SCAPER: variants seen among roughly 807,000 people sequenced by gnomAD.
SCAPER encodes S-phase cyclin A associated protein in the ER.
In SCAPER, 98 loss-of-function variants were observed where a neutral mutation model predicts 182.2. That is an observed-to-expected ratio of 0.54 (90% CI 0.46 to 0.64). SCAPER has a LOEUF of 0.64. Among genes scored for constraint, SCAPER ranks in the 30% least tolerant of loss-of-function variants. SCAPER has a pLI of 0.00. For missense variants in SCAPER, 1,432 were observed against 1,690.0 expected, an observed-to-expected ratio of 0.85 and a Z score of 2.68; for synonymous variants, 605 against 564.6, an observed-to-expected ratio of 1.07 and a Z score of -1.01.
chr15:76,401,437 A>G (rs1323573972), intron 27 of SCAPER, among the ~76,000 whole-genome samples: 1 of 152,184 alleles, frequency 6.6e-6, no homozygotes, highest in Non-Finnish European at 1.5e-5. Context: ...CAGTTGGATT[A>G]TGCAAGAGCT....
chr15:76,656,905 A>G (rs1368600247), intron 21 of SCAPER, among the ~76,000 whole-genome samples: 3 of 152,226 alleles, frequency 2.0e-5, no homozygotes, highest in Non-Finnish European at 4.4e-5. Context: ...AGCAGTGTTA[A>G]GCGGGAAGTT....
chr15:76,881,933 G>A (rs1248828091), intron 2 of SCAPER, among the ~76,000 whole-genome samples: 2 of 152,114 alleles, frequency 1.3e-5, no homozygotes, highest in Admixed American at 6.6e-5. Context: ...GGGAAGAAGA[G>A]GAAGAAGAGA....
At chr15:76,451,795 A>G (rs956565289) in intron 25 of SCAPER, among the ~76,000 whole-genome samples, 4 of 152,228 alleles carry the variant, frequency 2.6e-5, no homozygotes, top group African/African-American at 9.6e-5. Context: ...CATTTACTGG[A>G]AAAGACAGAA....
At chr15:76,608,195 G>A (rs1190961306) in intron 22 of SCAPER, among the ~76,000 whole-genome samples, 1 of 151,944 alleles carries the variant, frequency 6.6e-6, no homozygotes, top group African/African-American at 2.4e-5. Context: ...ATGGGTTTTT[G>A]GTGTGGATGT....
At chr15:76,786,480 T>C (rs563115685) in intron 8 of SCAPER, among the ~76,000 whole-genome samples, 1 of 152,240 alleles carries the variant, frequency 6.6e-6, no homozygotes, top group South Asian at 2.1e-4. Flanking sequence ...TCATAATAGA[T>C]GGTAACTTCC....
At position 76,702,914 on chromosome 15, in the gene SCAPER, G is replaced by A; in HGVS notation, c.2336C>T (p.Thr779Ile). Residue 779 changes from threonine to isoleucine, a missense_variant, in exon 19 of 32, where the codon ACT (threonine) becomes ATT (isoleucine). By Grantham distance (89) the Thr-to-Ile change is moderately conservative (BLOSUM62 -1). Transcript: ENST00000563290. The part of the protein sequence containing the change: ...AELSSGRHAN[T>I]DYAPKLTPYE... ...AGGGGTCAGTTTGGGGGCATAATCA[G>A]TATTTGCATGTCGCCCACTGCTTAG... 6.2e-7 allele frequency: 1 copy of A among 1,611,416 alleles called. No individual in the cohort carries two copies. The highest frequency in any genetic ancestry group is 1.7e-5 in the Admixed American group (1 of 59,532).
chr15:76,660,898 C>CA (rs549792573), intron 21 of SCAPER, among the ~76,000 whole-genome samples: 2,276 of 143,706 alleles, frequency 0.016, 20 homozygotes, highest in Non-Finnish European at 0.021. Context: ...GGTTAATACG[C>CA]AAAAAAAAAA....
intron 26 of SCAPER, among the ~76,000 whole-genome samples, chr15:76,421,715 G>A (rs2046057931): frequency 6.6e-6 from 1 of 152,150 alleles, no homozygotes; most frequent in African/African-American, 2.4e-5. Flanking sequence ...GTCCTGAATG[G>A]TATTGCCTAG....
chr15:76,546,008 G>A (rs755417135), intron 23 of SCAPER, among the ~76,000 whole-genome samples: 1 of 152,224 alleles, frequency 6.6e-6, no homozygotes, highest in South Asian at 2.1e-4. Flanking sequence ...ATCAGCCAGC[G>A]GAAAGTCCTA....
intron 7 of SCAPER, among the ~76,000 whole-genome samples, chr15:76,796,602 A>G (rs2065345513): frequency 6.6e-6 from 1 of 152,228 alleles, no homozygotes; most frequent in Admixed American, 6.5e-5. Context: ...TTCTACGATG[A>G]TAATGAAGAC....
At chr15:76,749,192 C>A (rs558870791) in intron 15 of SCAPER, among the ~76,000 whole-genome samples, 1 of 151,308 alleles carries the variant, frequency 6.6e-6, no homozygotes, top group Non-Finnish European at 1.5e-5. Flanking sequence ...CAGAAATGCA[C>A]GGTTGGTTTA....
chr15:76,502,413 T>C (rs2468131), intron 24 of SCAPER, among the ~76,000 whole-genome samples: 45,646 of 151,984 alleles, frequency 0.3, 7,994 homozygotes, highest in East Asian at 0.58. Flanking sequence ...TGAGTTCATG[T>C]CCTTTGTAGC....
chr15:76,521,788 T>C (rs2042857709), intron 23 of SCAPER, among the ~76,000 whole-genome samples: 1 of 152,168 alleles, frequency 6.6e-6, no homozygotes, highest in South Asian at 2.1e-4. Context: ...TAAATAAATG[T>C]ATTAAATTTG....
intron 20 of SCAPER, among the ~76,000 whole-genome samples, chr15:76,674,964 G>A (rs1017996822): frequency 3.3e-5 from 5 of 152,064 alleles, no homozygotes; most frequent in South Asian, 2.1e-4. Flanking sequence ...TGTTACTTTC[G>A]GAAGCAGAAA....
chr15:76,596,100 G>A lies in SCAPER; in HGVS notation c.2712-21816C>T, dbSNP rs1313837727. ...AAGAAAAGAGAGAAGAATCAAATAGGCACAATAAACAATGACAAAGAAAAG... is the reference window on the plus strand; with the variant it reads ...AAGAAAAGAGAGAAGAATCAAATAGACACAATAAACAATGACAAAGAAAAG... On this transcript the variant is annotated intron_variant, in intron 22 of 31. Coordinates refer to ENST00000563290, the MANE Select transcript of SCAPER (RefSeq NM_020843.4). Among the ~76,000 whole-genome samples the A allele has an allele frequency of 1.7e-5, 2 of 119,848 alleles. 1 individual carries two copies. Among genetic ancestry groups the A allele is most frequent in the Non-Finnish European group, 4.0e-5 (2 of 49,400 alleles). 78.6% of individuals were successfully genotyped at this position (119,848 alleles called of 152,430 possible).
At chr15:76,431,781 T>C (rs375839167) in intron 26 of SCAPER, among the ~76,000 whole-genome samples, 128 of 145,338 alleles carry the variant, frequency 8.8e-4, no homozygotes, top group African/African-American at 3.1e-3. Context: ...CAAATAACAA[T>C]GCATTATCTG....
At chr15:76,668,889 T>C (rs1250529568) in intron 20 of SCAPER, among the ~76,000 whole-genome samples, 1 of 152,198 alleles carries the variant, frequency 6.6e-6, no homozygotes, top group Non-Finnish European at 1.5e-5. Context: ...CAAGATACAT[T>C]GAGCTAAGTA....
chr15:76,845,523 A>C (rs539747566), intron 4 of SCAPER, among the ~76,000 whole-genome samples: 5 of 152,308 alleles, frequency 3.3e-5, no homozygotes, highest in Admixed American at 3.3e-4. Flanking sequence ...GTTGCAGGAT[A>C]CAAAGTCAAC....
At chr15:76,431,542 C>T (rs954270095) in intron 26 of SCAPER, among the ~76,000 whole-genome samples, 1 of 151,944 alleles carries the variant, frequency 6.6e-6, no homozygotes, top group East Asian at 1.9e-4. Context: ...AGAACAGCTC[C>T]AACGACTGTA....
Sources: allele counts gnomAD v4.1 joint callset (sites outside exome capture counted in the v4.1 genomes callset), GRCh38; gene constraint gnomAD v4.1.1; transcripts MANE v1.5; gene names NCBI Gene and HGNC (gene_info 2026-07-23, HGNC 2026-07-21).